Variants in PCSK5 observed in about 807,000 individuals in gnomAD.
The protein encoded by PCSK5 is proprotein convertase subtilisin/kexin type 5, also known as prohormone convertase 5.
PCSK5 carries 129 observed loss-of-function variants against 233.2 expected under a neutral mutation model. The observed-to-expected ratio is 0.55, with a 90% CI of 0.48 to 0.64. PCSK5 has a LOEUF of 0.64. Among genes scored for constraint, PCSK5 ranks in the 30% least tolerant of loss-of-function variants. The pLI is 0.00. For missense variants in PCSK5, 2,076 were observed against 2,430.1 expected (o/e 0.85, Z 3.06); for synonymous variants, 825 against 879.2 (o/e 0.94, Z 1.09).
intron 28 of PCSK5, 151 bp from the exon 29 acceptor site, chr9:76,308,494 G>A (rs1187889856): frequency 1.6e-6 from 1 of 641,804 alleles, no homozygotes; most frequent in Non-Finnish European, 2.8e-6. Context: ...ATGGCAATGA[G>A]CCAGTGCCAA....
intron 10 of PCSK5, among the ~76,000 whole-genome samples, chr9:76,141,970 C>T (rs7869196): frequency 0.21 from 31,601 of 151,754 alleles, 3,553 homozygotes; most frequent in East Asian, 0.31. Context: ...CACACTGGGG[C>T]CTACTTGAGC....
At chr9:76,225,174 G>C (rs1825849075) in intron 20 of PCSK5, among the ~76,000 whole-genome samples, 1 of 152,222 alleles carries the variant, frequency 6.6e-6, no homozygotes, top group Non-Finnish European at 1.5e-5. Flanking sequence ...GGAAGTAGAA[G>C]TCCCTTGGCT....
intron 12 of PCSK5, among the ~76,000 whole-genome samples, chr9:76,161,444 C>CTT (rs57216482): frequency 0.23 from 34,220 of 146,408 alleles, 4,141 homozygotes; most frequent in South Asian, 0.27. Flanking sequence ...TTATTTCTTG[C>CTT]TTTTTTTTTT....
intron 10 of PCSK5, among the ~76,000 whole-genome samples, chr9:76,148,847 C>A (rs1823557332): frequency 6.6e-6 from 1 of 152,164 alleles, no homozygotes; most frequent in Non-Finnish European, 1.5e-5. Flanking sequence ...TTAATCTTTC[C>A]AGAATATCAA....
At chr9:76,068,530 C>T (rs1178599854) in intron 6 of PCSK5, among the ~76,000 whole-genome samples, 1 of 151,958 alleles carries the variant, frequency 6.6e-6, no homozygotes, top group Non-Finnish European at 1.5e-5. Flanking sequence ...GCAAAAATCT[C>T]CTTTTGTAAT....
intron 16 of PCSK5, among the ~76,000 whole-genome samples, chr9:76,182,591 CACAG>C (rs1257785904): frequency 2.7e-5 from 4 of 150,836 alleles, no homozygotes; most frequent in African/African-American, 9.7e-5. Flanking sequence ...TGTACCTTAA[CACAG>C]AGTTTGGGCC....
chr9:76,058,469 T>C (rs7048359), intron 5 of PCSK5, among the ~76,000 whole-genome samples: 9,565 of 152,222 alleles, frequency 0.063, 869 homozygotes, highest in African/African-American at 0.2. Flanking sequence ...GATAAATAAA[T>C]ACACTTGTGT....
At chr9:76,210,244 C>A (rs1465108452) in intron 20 of PCSK5, among the ~76,000 whole-genome samples, 2 of 152,104 alleles carry the variant, frequency 1.3e-5, no homozygotes, top group African/African-American at 2.4e-5. Flanking sequence ...ACCAGAGGGG[C>A]AACTGGAGTT....
chr9:76,075,555 C>T (rs1475615), intron 7 of PCSK5, among the ~76,000 whole-genome samples: 69,415 of 151,892 alleles, frequency 0.46, 17,174 homozygotes, highest in African/African-American at 0.65. Context: ...GGAAATTTTA[C>T]ATTCTTTGAT....
chr9:76,043,927 G>C (rs986765814), intron 5 of PCSK5, among the ~76,000 whole-genome samples: 11 of 152,074 alleles, frequency 7.2e-5, no homozygotes, highest in Admixed American at 3.3e-4. Flanking sequence ...GCCAAAATCA[G>C]TCAGTCTTTC....
At chr9:76,208,148 C>T (rs1252713694) in intron 20 of PCSK5, among the ~76,000 whole-genome samples, 2 of 152,174 alleles carry the variant, frequency 1.3e-5, no homozygotes, top group African/African-American at 4.8e-5. Flanking sequence ...TTAATCACCT[C>T]TTAAAGGTCT....
At chr9:75,980,619 C>G (rs868795852) in intron 2 of PCSK5, among the ~76,000 whole-genome samples, 1 of 152,080 alleles carries the variant, frequency 6.6e-6, no homozygotes, top group South Asian at 2.1e-4. Flanking sequence ...TAATTTTTTT[C>G]TTTAAAAAGG....
At chr9:76,029,385 A>T (rs1454204566) in intron 5 of PCSK5, among the ~76,000 whole-genome samples, 1 of 152,160 alleles carries the variant, frequency 6.6e-6, no homozygotes, top group Non-Finnish European at 1.5e-5. Context: ...AAAAATAAAA[A>T]TAAAAACTCA....
intron 20 of PCSK5, among the ~76,000 whole-genome samples, chr9:76,204,193 T>C (rs1825022656): frequency 6.6e-6 from 1 of 152,152 alleles, no homozygotes; most frequent in Admixed American, 6.6e-5. Flanking sequence ...TCTGTCCTCT[T>C]CCCTCTATCC....
chr9:75,921,075 A>G (rs1238465479), intron 1 of PCSK5, among the ~76,000 whole-genome samples: 1 of 152,216 alleles, frequency 6.6e-6, no homozygotes, highest in Non-Finnish European at 1.5e-5. Flanking sequence ...TATTTTAATT[A>G]ACTAGATAGG....
intron 23 of PCSK5, 142 bp downstream of exon 23, chr9:76,239,307 G>A (rs1420396608): frequency 4.6e-6 from 3 of 649,672 alleles, no homozygotes; most frequent in African/African-American, 1.8e-5. Context: ...ACCCTAGTGG[G>A]GAGAGAGGTA....
At chr9:75,903,540 G>A (rs1826132220) in intron 1 of PCSK5, among the ~76,000 whole-genome samples, 1 of 132,734 alleles carries the variant, frequency 7.5e-6, no homozygotes, top group Non-Finnish European at 1.6e-5. Flanking sequence ...CTCTCTGTAT[G>A]TGTATGTGCA....
intron 5 of PCSK5, among the ~76,000 whole-genome samples, chr9:76,060,793 A>G (rs1021858258): frequency 7.2e-5 from 11 of 152,184 alleles, no homozygotes; most frequent in African/African-American, 2.4e-4. Context: ...TAAGATTGCC[A>G]CTAAATAATA....
At position 76,308,741 on chromosome 9, in the gene PCSK5, C is replaced by T. The variant is rs180994122; in HGVS notation, c.3688+13C>T. ...TCATGTCCCAAAGGTTAGTGTGTTG[C>T]GTGACAGAAGATGGCAGCAGTCAAG... On this transcript the variant is annotated intron_variant, in intron 29 of 37. Coordinates refer to ENST00000674117, the MANE Select transcript of PCSK5 (RefSeq NM_001372043.1). The T allele has an allele frequency of 1.9e-3, 3,036 of 1,570,416 alleles. 13 individuals are homozygous for T. The highest frequency in any genetic ancestry group is 1.8e-3 in the Non-Finnish European group (2,011 of 1,142,246).
Sources: gnomAD v4.1 joint callset for allele counts (sites outside exome capture counted in the v4.1 genomes callset) on GRCh38, gnomAD v4.1.1 for gene constraint, MANE v1.5 for transcripts, NCBI Gene and HGNC (gene_info 2026-07-23, HGNC 2026-07-21) for gene names.